DENND5A: variants seen among roughly 807,000 people sequenced by gnomAD.
The protein encoded by DENND5A is DENN domain containing 5A, also known as DENN domain-containing protein 5A.
In DENND5A, 64 loss-of-function variants were observed where a neutral mutation model predicts 140.3. The ratio of observed to expected loss-of-function variants is 0.46; its 90% confidence interval spans 0.37 to 0.56. The LOEUF is 0.56. Among genes scored for constraint, DENND5A ranks in the 20% least tolerant of loss-of-function variants. The pLI, the probability that DENND5A is intolerant of heterozygous loss-of-function variation, is 0.00. For missense variants in DENND5A, 1,292 were observed against 1,593.8 expected, an observed-to-expected ratio of 0.81 and a Z score of 3.22; for synonymous variants, 605 against 607.7, an observed-to-expected ratio of 1.00 and a Z score of 0.07.
intron 1 of DENND5A, among the ~76,000 whole-genome samples, chr11:9,262,963 G>A (rs1358019149): frequency 6.6e-6 from 1 of 151,764 alleles, no homozygotes; most frequent in Non-Finnish European, 1.5e-5. Context: ...GGATGGTCTC[G>A]ATCTCCTGAC....
chr11:9,240,396 C>G (rs918984521), intron 1 of DENND5A, among the ~76,000 whole-genome samples: 7 of 151,950 alleles, frequency 4.6e-5, no homozygotes, highest in African/African-American at 1.7e-4. Flanking sequence ...AACTCCGTCT[C>G]AAAAACAAAC....
At position 9,229,904 on chromosome 11, in the gene DENND5A, T is replaced by C. The variant is rs866980309; in HGVS notation, c.110-22272A>G. 1.8e-3 allele frequency among the ~76,000 whole-genome samples: 236 copies of C among 131,470 alleles called. 1 individual carries two copies. Among genetic ancestry groups the C allele is most frequent in the African/African-American group, 6.4e-3 (225 of 35,096 alleles). The allele number at this position is 131,470 out of a possible 152,430, so 86.2% of individuals were successfully genotyped here. ...ATTTCTGAAAGCTCCCATTTCTTTT[T>C]TTTTTTTTTTTTTTTTTTTTGAGAC... On this transcript the variant is annotated intron_variant, in intron 1 of 22. Transcript: ENST00000328194.
At chr11:9,221,767 CTTTTT>C (rs967308678) in intron 1 of DENND5A, among the ~76,000 whole-genome samples, 2 of 148,314 alleles carry the variant, frequency 1.3e-5, no homozygotes, top group Non-Finnish European at 3.0e-5. Context: ...TTGTTGTTTT[CTTTTT>C]TTTAAGATGG....
chr11:9,242,612 T>C (rs1026361453), intron 1 of DENND5A: 1 of 152,184 alleles, frequency 6.6e-6, no homozygotes, highest in Admixed American at 6.6e-5. Flanking sequence ...TTTAGTTTCC[T>C]AATCTCCAAC....
At chr11:9,144,370 C>T (rs1194787326) in intron 18 of DENND5A, 92 bp from the exon 19 acceptor site, 2 of 1,284,346 alleles carry the variant, frequency 1.6e-6, no homozygotes, top group African/African-American at 1.5e-5. Context: ...TGGAGATAGG[C>T]TCTGAAACCA....
At chr11:9,233,265 G>T (rs950655637) in intron 1 of DENND5A, among the ~76,000 whole-genome samples, 4 of 152,024 alleles carry the variant, frequency 2.6e-5, no homozygotes, top group Non-Finnish European at 5.9e-5. Context: ...TGGACATGGT[G>T]GTGGGTGCCT....
chr11:9,152,326 G>C (rs773758420), intron 13 of DENND5A, 32 bp downstream of exon 13: 8 of 1,463,876 alleles, frequency 5.5e-6, no homozygotes, highest in African/African-American at 4.2e-5. Context: ...AGTGGAGAGA[G>C]GGCAGACTCT....
chr11:9,256,194 G>T (rs1055419887), intron 1 of DENND5A, among the ~76,000 whole-genome samples: 1 of 152,148 alleles, frequency 6.6e-6, no homozygotes, highest in African/African-American at 2.4e-5. Flanking sequence ...GGGCACGGTG[G>T]CTTGTGCCTG....
At chr11:9,144,060 T>A in intron 19 of DENND5A, 37 bp downstream of exon 19, 1 of 1,598,636 alleles carries the variant, frequency 6.3e-7, no homozygotes, top group Non-Finnish European at 8.5e-7. Flanking sequence ...TTCCCTAGAC[T>A]GTATGGCATG....
At chr11:9,218,875 A>G (rs148092867) in intron 1 of DENND5A, among the ~76,000 whole-genome samples, 4 of 152,136 alleles carry the variant, frequency 2.6e-5, no homozygotes, top group African/African-American at 9.6e-5. Flanking sequence ...GCGTAGTGGC[A>G]CATGCCTGTA....
At chr11:9,185,609 T>C (rs1205955874) in intron 5 of DENND5A, among the ~76,000 whole-genome samples, 1 of 152,212 alleles carries the variant, frequency 6.6e-6, no homozygotes, top group Non-Finnish European at 1.5e-5. Flanking sequence ...CAAACCACCA[T>C]GGCACATGTA....
chr11:9,250,230 C>G (rs1010572029), intron 1 of DENND5A, among the ~76,000 whole-genome samples: 1 of 150,458 alleles, frequency 6.6e-6, no homozygotes, highest in Non-Finnish European at 1.5e-5. Context: ...TCAAAGAAGA[C>G]AGACCCAGGC....
intron 1 of DENND5A, among the ~76,000 whole-genome samples, chr11:9,262,075 A>G (rs1198183207): frequency 6.6e-6 from 1 of 152,218 alleles, no homozygotes. Flanking sequence ...CATATCCATT[A>G]AGACAGTAAC....
intron 1 of DENND5A, among the ~76,000 whole-genome samples, chr11:9,218,729 G>A (rs999985860): frequency 7.9e-5 from 12 of 151,878 alleles, no homozygotes; most frequent in African/African-American, 2.9e-4. Context: ...GTATTGGGCC[G>A]GCGTGGTGGC....
At chr11:9,144,682 G>A (rs975039066) in intron 18 of DENND5A, among the ~76,000 whole-genome samples, 2 of 151,844 alleles carry the variant, frequency 1.3e-5, no homozygotes, top group Non-Finnish European at 2.9e-5. Flanking sequence ...CCAGCTACTC[G>A]GGGAGCTGAG....
At chr11:9,223,951 G>A (rs1347546446) in intron 1 of DENND5A, among the ~76,000 whole-genome samples, 1 of 146,612 alleles carries the variant, frequency 6.8e-6, no homozygotes, top group African/African-American at 2.4e-5. Flanking sequence ...CAGCACTTTG[G>A]GAGGCCGCAG....
At chr11:9,249,968 C>A (rs573924344) in intron 1 of DENND5A, among the ~76,000 whole-genome samples, 26 of 151,376 alleles carry the variant, frequency 1.7e-4, no homozygotes, top group African/African-American at 3.6e-4. Context: ...ATTACAGGAT[C>A]GAGCCATCGC....
intron 11 of DENND5A, among the ~76,000 whole-genome samples, chr11:9,161,488 G>A (rs546104977): frequency 6.6e-6 from 1 of 152,288 alleles, no homozygotes; most frequent in African/African-American, 2.4e-5. Flanking sequence ...GCTTATCTCT[G>A]ACATTGTCTG....
intron 1 of DENND5A, among the ~76,000 whole-genome samples, chr11:9,228,825 C>T (rs977385885): frequency 3.9e-5 from 6 of 152,180 alleles, no homozygotes; most frequent in Non-Finnish European, 7.3e-5. Flanking sequence ...AGGCTCCACA[C>T]ACACATCTTG....
Sources: allele counts gnomAD v4.1 joint callset (sites outside exome capture counted in the v4.1 genomes callset), GRCh38; gene constraint gnomAD v4.1.1; transcripts MANE v1.5; gene names NCBI Gene and HGNC (gene_info 2026-07-23, HGNC 2026-07-21).